The following SELENOT variants were observed in gnomAD, a reference collection of about 807,000 sequenced individuals.
The protein encoded by SELENOT is selenoprotein T, also known as thioredoxin reductase-like selenoprotein T.
A neutral mutation model predicts 24.3 loss-of-function variants in SELENOT; 9 were observed. The ratio of observed to expected loss-of-function variants is 0.37; its 90% CI spans 0.22 to 0.65. SELENOT has a LOEUF of 0.65. SELENOT is among the 30% of genes least tolerant of loss of function. The probability of loss-of-function intolerance (pLI) is 0.60; values close to 1 mark genes in which losing one functional copy is unlikely to be tolerated. For synonymous variants in SELENOT, 81 were observed against 86.0 expected, an observed-to-expected ratio of 0.94 and a Z score of 0.32; for missense variants, 166 against 247.6, an observed-to-expected ratio of 0.67 and a Z score of 2.21.
chr3:150,620,749 G>C (rs1415092446), intron 1 of SELENOT, among the ~76,000 whole-genome samples: 2 of 152,174 alleles, frequency 1.3e-5, no homozygotes, highest in Admixed American at 6.5e-5. Context: ...GTAAACACCA[G>C]TGCAAACTTG....
At chr3:150,618,041 G>A (rs1379580040) in intron 1 of SELENOT, among the ~76,000 whole-genome samples, 1 of 152,062 alleles carries the variant, frequency 6.6e-6, no homozygotes, top group East Asian at 1.9e-4. Flanking sequence ...ATTTTTAGTA[G>A]AGACAGAGTT....
intron 1 of SELENOT, among the ~76,000 whole-genome samples, chr3:150,610,544 TAGAA>T (rs762331431): frequency 2.6e-5 from 4 of 152,206 alleles, no homozygotes; most frequent in Non-Finnish European, 5.9e-5. Context: ...AGAAGTGTGA[TAGAA>T]AGATACACCA....
intron 1 of SELENOT, among the ~76,000 whole-genome samples, chr3:150,621,676 C>T (rs1418002655): frequency 1.7e-5 from 2 of 121,078 alleles, no homozygotes; most frequent in African/African-American, 6.2e-5. Flanking sequence ...TGCTTAGAGA[C>T]TTTAGAGACT....
chr3:150,622,920 T>C, intron 2 of SELENOT, 123 bp from the exon 3 acceptor site: 1 of 871,620 alleles, frequency 1.1e-6, no homozygotes, highest in Non-Finnish European at 1.6e-6. Flanking sequence ...CTTTAATTGC[T>C]TTTTCTATAA....
intron 3 of SELENOT, 47 bp downstream of exon 3, chr3:150,623,216 G>A: frequency 6.7e-7 from 1 of 1,485,914 alleles, no homozygotes; most frequent in Non-Finnish European, 9.0e-7. Flanking sequence ...TATGTTGTCA[G>A]TGAAATATTC....
intron 4 of SELENOT, among the ~76,000 whole-genome samples, chr3:150,625,458 A>G (rs1344705034): frequency 6.6e-6 from 1 of 152,062 alleles, no homozygotes; most frequent in African/African-American, 2.4e-5. Context: ...CCCCTATTTT[A>G]TGGATTACCA....
At position 150,603,476 on chromosome 3, in the gene SELENOT, G is replaced by A; in HGVS notation, c.114G>A (p.Gly38=). Reference sequence around the variant, plus strand: ...GATTAAAGATGCAGTACGCCACGGGGCCGCTGCTCAAGTTCCAGATTTGGT... The same window carrying A: ...GATTAAAGATGCAGTACGCCACGGGACCGCTGCTCAAGTTCCAGATTTGGT... The part of the protein sequence containing the change: ...SKRLKMQYAT[G]PLLKFQICVS... Residue 38 remains glycine, a synonymous_variant, in exon 1 of 6, where the codon GGG becomes GGA. Transcript: ENST00000471696. 1 of 1,608,196 alleles carries A rather than the reference G, an allele frequency of 6.2e-7. No homozygotes were observed. The highest frequency in any genetic ancestry group is 8.5e-7 in the Non-Finnish European group (1 of 1,175,936).
At chr3:150,608,448 T>G (rs995746769) in intron 1 of SELENOT, among the ~76,000 whole-genome samples, 1 of 152,190 alleles carries the variant, frequency 6.6e-6, no homozygotes, top group African/African-American at 2.4e-5. Flanking sequence ...TTTTTTTGTT[T>G]GTTATTGTTT....
At chr3:150,612,592 A>G (rs1161252345) in intron 1 of SELENOT, among the ~76,000 whole-genome samples, 2 of 152,222 alleles carry the variant, frequency 1.3e-5, no homozygotes, top group Admixed American at 1.3e-4. Flanking sequence ...TGGGCATGAT[A>G]GAACTTCACA....
Position 150,605,962 on chromosome 3 carries a change from T to G in SELENOT, c.137+2463T>G, listed in dbSNP as rs1241091338. Among the ~76,000 whole-genome samples the G allele has an allele frequency of 3.9e-5, 6 of 152,176 alleles. No individual in the cohort carries two copies. In the East Asian group the frequency reaches 1.2e-3, roughly 29 times the overall value. ...CTATTTTACCTTCATTTCCACTGACTTTTTCCCCTTATAGTGATCATGAGT... is the reference window on the plus strand; with the variant it reads ...CTATTTTACCTTCATTTCCACTGACGTTTTCCCCTTATAGTGATCATGAGT... On this transcript the variant is annotated intron_variant, in intron 1 of 5. Coordinates refer to ENST00000471696, the MANE Select transcript of SELENOT (RefSeq NM_016275.5).
intron 3 of SELENOT, 37 bp from the exon 4 acceptor site, chr3:150,624,775 G>A: frequency 7.7e-7 from 1 of 1,302,410 alleles, no homozygotes; most frequent in Non-Finnish European, 1.1e-6. Context: ...TACCAAACAT[G>A]ACTTTGCCTG....
intron 1 of SELENOT, among the ~76,000 whole-genome samples, chr3:150,617,836 T>TCTG (rs1387446770): frequency 8.0e-6 from 1 of 124,460 alleles, no homozygotes; most frequent in Non-Finnish European, 1.7e-5. Context: ...TGCAACTGTT[T>TCTG]TTGTTTGGTT....
At chr3:150,603,641 C>T (rs966295717) in intron 1 of SELENOT, 142 bp downstream of exon 1, 5 of 1,013,172 alleles carry the variant, frequency 4.9e-6, no homozygotes, top group Non-Finnish European at 6.9e-6. Context: ...CCACAGCCAG[C>T]CTTCTCGCGG....
intron 1 of SELENOT, among the ~76,000 whole-genome samples, chr3:150,606,178 TC>T (rs1725958580): frequency 7.0e-6 from 1 of 142,972 alleles, no homozygotes. Flanking sequence ...TGAGACAGAG[TC>T]CCGCTGTGTC....
chr3:150,608,202 A>AT (rs1726013046), intron 1 of SELENOT, among the ~76,000 whole-genome samples: 1 of 152,212 alleles, frequency 6.6e-6, no homozygotes, highest in East Asian at 1.9e-4. Flanking sequence ...AGGAATCCTG[A>AT]TTTTTGAAGA....
intron 1 of SELENOT, among the ~76,000 whole-genome samples, chr3:150,612,812 C>T (rs192690130): frequency 8.5e-4 from 130 of 152,296 alleles, no homozygotes; most frequent in African/African-American, 3.1e-3. Context: ...TTCCAAAGTT[C>T]ATTTTGTTTT....
At chr3:150,605,037 C>CAA (rs10663147) in intron 1 of SELENOT, among the ~76,000 whole-genome samples, 2,528 of 117,002 alleles carry the variant, frequency 0.022, 53 homozygotes, top group Non-Finnish European at 0.031. Context: ...AACTCCGTCT[C>CAA]AAAAAAAAAA....
At chr3:150,622,129 A>G (rs1450570447) in intron 1 of SELENOT, among the ~76,000 whole-genome samples, 2 of 151,806 alleles carry the variant, frequency 1.3e-5, no homozygotes, top group Non-Finnish European at 2.9e-5. Context: ...TTTTTTTTAA[A>G]CAAAAAAATC....
intron 1 of SELENOT, among the ~76,000 whole-genome samples, chr3:150,609,084 G>T (rs561145279): frequency 9.2e-5 from 14 of 152,152 alleles, no homozygotes; most frequent in Non-Finnish European, 1.8e-4. Flanking sequence ...TTCTTAGGGG[G>T]AATGCTTTCA....
Sources: allele counts gnomAD v4.1 joint callset (sites outside exome capture counted in the v4.1 genomes callset), GRCh38; gene constraint gnomAD v4.1.1; transcripts MANE v1.5; gene names NCBI Gene and HGNC (gene_info 2026-07-23, HGNC 2026-07-21).